CELF2: variants seen among roughly 807,000 people sequenced by gnomAD.
The protein encoded by CELF2 is CUGBP Elav-like family member 2, also known as CUG triplet repeat RNA-binding protein 2.
Under a neutral mutation model 62.6 loss-of-function variants are expected in CELF2, and 8 were observed. That is an observed-to-expected ratio of 0.13 (90% confidence interval 0.07 to 0.23). CELF2 has a LOEUF of 0.23. Among genes scored for constraint, CELF2 ranks in the 10% least tolerant of loss-of-function variants. CELF2 has a pLI of 1.00. For missense variants in CELF2, 333 were observed against 671.0 expected, an observed-to-expected ratio of 0.50 and a Z score of 5.56; for synonymous variants, 258 against 250.0, an observed-to-expected ratio of 1.03 and a Z score of -0.30.
chr10:10,899,091 G>A (rs990641177), intron 1 of CELF2, among the ~76,000 whole-genome samples: 1 of 152,066 alleles, frequency 6.6e-6, no homozygotes, highest in Non-Finnish European at 1.5e-5. Flanking sequence ...AGTATTGTGG[G>A]GGATCTTTTA....
the CELF2 span, among the ~76,000 whole-genome samples, chr10:10,564,624 A>G: frequency 3.6e-4 from 53 of 149,220 alleles, no homozygotes; most frequent in African/African-American, 1.2e-3. Context: ...TAAGACCGGT[A>G]TGTCTTGTTA....
chr10:10,588,469 G>C, the CELF2 span, among the ~76,000 whole-genome samples: 1 of 152,246 alleles, frequency 6.6e-6, no homozygotes. Flanking sequence ...ATTAAAGGGC[G>C]TATTGGGATT....
intron 7 of CELF2, among the ~76,000 whole-genome samples, chr10:11,271,306 C>T (rs1333380607): frequency 1.3e-5 from 2 of 152,226 alleles, no homozygotes; most frequent in African/African-American, 4.8e-5. Flanking sequence ...TTTCAAGCCC[C>T]AGCAGACCCA....
At chr10:10,679,810 G>A in the CELF2 span, among the ~76,000 whole-genome samples, 3 of 152,078 alleles carry the variant, frequency 2.0e-5, no homozygotes, top group Non-Finnish European at 2.9e-5. Context: ...AAAAATACAC[G>A]ATAAATACAT....
chr10:11,184,745 T>C (rs1453253075), intron 2 of CELF2, among the ~76,000 whole-genome samples: 1 of 152,278 alleles, frequency 6.6e-6, no homozygotes, highest in Non-Finnish European at 1.5e-5. Context: ...GTATTGATTA[T>C]GTATCCTACA....
At chr10:10,475,998 A>T in the CELF2 span, among the ~76,000 whole-genome samples, 3 of 152,156 alleles carry the variant, frequency 2.0e-5, no homozygotes, top group African/African-American at 7.2e-5. Context: ...AGTTAACTGG[A>T]GACTGCTGCT....
At chr10:10,910,716 A>AG (rs1224218076) in intron 1 of CELF2, among the ~76,000 whole-genome samples, 43 of 148,678 alleles carry the variant, frequency 2.9e-4, no homozygotes, top group Admixed American at 6.0e-4. Context: ...AAAAAAAAAA[A>AG]AAAGAAAAGA....
At chr10:10,585,729 T>C in the CELF2 span, among the ~76,000 whole-genome samples, 2 of 152,174 alleles carry the variant, frequency 1.3e-5, no homozygotes, top group Non-Finnish European at 2.9e-5. Context: ...TAGGGGATCT[T>C]TTATGTAATT....
the CELF2 span, among the ~76,000 whole-genome samples, chr10:10,472,792 T>A: frequency 6.6e-6 from 1 of 152,016 alleles, no homozygotes; most frequent in Non-Finnish European, 1.5e-5. Context: ...ATATATCTGT[T>A]CTGTTCATAT....
chr10:10,947,556 C>G lies in CELF2; in HGVS notation c.89+27557C>G, dbSNP rs2047831595. The G allele has an allele frequency of 6.6e-6, 1 of 152,538 alleles. No individual in the cohort carries two copies. The highest frequency in any genetic ancestry group is 1.5e-5 in the Non-Finnish European group (1 of 68,018). 9.4% of individuals were successfully genotyped at this position (152,538 alleles called of 1,614,324 possible). ...TGATTATTTCGTGTTGTGTTGAATT[C>G]CTAACAAGCATATGAAAGAGGAAAT... On this transcript the variant is annotated intron_variant, in intron 2 of 13. Coordinates refer to the CELF2 transcript ENST00000636488. The surrounding 1 kb of genome is among the most constrained non-coding windows in gnomAD (Gnocchi z 4.1).
At chr10:10,848,715 G>C (rs910794223) in intron 1 of CELF2, among the ~76,000 whole-genome samples, 4 of 152,186 alleles carry the variant, frequency 2.6e-5, no homozygotes, top group Non-Finnish European at 5.9e-5. Context: ...CAGCGTGGGA[G>C]ATGGAGAAGG....
At chr10:11,001,424 T>A (rs544915154), upstream of CELF2, among the ~76,000 whole-genome samples, 1 of 152,138 alleles carries the variant, frequency 6.6e-6, no homozygotes, top group Non-Finnish European at 1.5e-5. Context: ...ACTTTTGCAA[T>A]GTAAATGCCA....
chr10:10,715,867 C>T, the CELF2 span, among the ~76,000 whole-genome samples: 9 of 152,196 alleles, frequency 5.9e-5, no homozygotes, highest in Admixed American at 5.9e-4. Context: ...ATAAGGAACA[C>T]ATGACCAGGA....
At chr10:10,657,770 ATT>A in the CELF2 span, among the ~76,000 whole-genome samples, 1 of 152,162 alleles carries the variant, frequency 6.6e-6, no homozygotes, top group South Asian at 2.1e-4. Context: ...TATTCATGAT[ATT>A]TTGTTTCTTA....
the CELF2 span, among the ~76,000 whole-genome samples, chr10:10,528,612 A>ACTTGGTGAT: frequency 6.6e-6 from 1 of 152,128 alleles, no homozygotes; most frequent in Admixed American, 6.5e-5. Context: ...CCCAGCCCAC[A>ACTTGGTGAT]CTTGGTGATT....
chr10:10,705,536 A>C, the CELF2 span, among the ~76,000 whole-genome samples: 22 of 152,118 alleles, frequency 1.4e-4, no homozygotes, highest in African/African-American at 5.3e-4. Flanking sequence ...ATTCCACCTA[A>C]AATTATACGC....
intron 1 of CELF2, among the ~76,000 whole-genome samples, chr10:11,143,335 C>T (rs1021561724): frequency 6.6e-6 from 1 of 152,216 alleles, no homozygotes; most frequent in African/African-American, 2.4e-5. Context: ...TGGAAATCGG[C>T]AAACCCTTGA....
At chr10:10,950,139 C>T (rs930146324) in intron 2 of CELF2, among the ~76,000 whole-genome samples, 1 of 152,170 alleles carries the variant, frequency 6.6e-6, no homozygotes, top group South Asian at 2.1e-4. Flanking sequence ...CCTGGGTTTC[C>T]CTACCTTGAC....
chr10:10,566,437 C>G, the CELF2 span, among the ~76,000 whole-genome samples: 1 of 139,384 alleles, frequency 7.2e-6, no homozygotes. Context: ...TTTTATTATA[C>G]TCTAAGTTTT....
Sources: gnomAD v4.1 joint callset for allele counts (sites outside exome capture counted in the v4.1 genomes callset) on GRCh38, gnomAD v4.1.1 for gene constraint, Gnocchi (gnomAD v3.1) non-coding constraint, MANE v1.5 for transcripts, NCBI Gene and HGNC (gene_info 2026-07-23, HGNC 2026-07-21) for gene names.